BLTP3B: variants seen among roughly 807,000 people sequenced by gnomAD.
BLTP3B encodes bridge-like lipid transfer protein family member 3B.
the BLTP3B span, among the ~76,000 whole-genome samples, chr12:100,137,729 C>T: frequency 6.6e-6 from 1 of 152,176 alleles, no homozygotes; most frequent in Non-Finnish European, 1.5e-5. Flanking sequence ...ATGAGCATAT[C>T]CCTCTTACCT....
the BLTP3B span, among the ~76,000 whole-genome samples, chr12:100,093,596 G>T: frequency 6.6e-6 from 1 of 152,026 alleles, no homozygotes; most frequent in African/African-American, 2.4e-5. Flanking sequence ...ATCCATCCTA[G>T]TAAGACTGAG....
the BLTP3B span, chr12:100,108,450 T>G: frequency 6.2e-7 from 1 of 1,613,740 alleles, no homozygotes; most frequent in Non-Finnish European, 8.5e-7. Context: ...ATCCAACATA[T>G]TCTGGAGTAC....
chr12:100,111,081 A>T, the BLTP3B span, among the ~76,000 whole-genome samples: 1 of 152,152 alleles, frequency 6.6e-6, no homozygotes, highest in Non-Finnish European at 1.5e-5. Flanking sequence ...CCCAAGAGGG[A>T]TACCCCATCT....
the BLTP3B span, among the ~76,000 whole-genome samples, chr12:100,113,362 C>A: frequency 6.6e-6 from 1 of 151,762 alleles, no homozygotes; most frequent in African/African-American, 2.4e-5. Context: ...ACTCTGGAGG[C>A]TGAGACAGGA....
At chr12:100,071,620 T>C in the BLTP3B span, among the ~76,000 whole-genome samples, 2 of 152,104 alleles carry the variant, frequency 1.3e-5, no homozygotes, top group African/African-American at 4.8e-5. Flanking sequence ...GTTTTAATAT[T>C]CAAAGAATAC....
the BLTP3B span, among the ~76,000 whole-genome samples, chr12:100,082,318 A>G: frequency 6.6e-6 from 1 of 152,192 alleles, no homozygotes; most frequent in South Asian, 2.1e-4. Flanking sequence ...TTTGTCAGAT[A>G]AATAATTTGT....
At chr12:100,083,920 G>A in the BLTP3B span, among the ~76,000 whole-genome samples, 1 of 152,192 alleles carries the variant, frequency 6.6e-6, no homozygotes, top group African/African-American at 2.4e-5. Flanking sequence ...CGGGCGTGGT[G>A]GCTCACGCCT....
chr12:100,118,306 T>C, the BLTP3B span, among the ~76,000 whole-genome samples: 9 of 152,184 alleles, frequency 5.9e-5, no homozygotes, highest in African/African-American at 2.2e-4. Flanking sequence ...GCAGGAGGAC[T>C]GCTTAAGCCC....
At chr12:100,042,145 G>A in the BLTP3B span, among the ~76,000 whole-genome samples, 5 of 152,116 alleles carry the variant, frequency 3.3e-5, no homozygotes, top group Non-Finnish European at 7.4e-5. Flanking sequence ...CACTGTTCAT[G>A]GATTGGAAGA....
At chr12:100,102,500 T>C in the BLTP3B span, among the ~76,000 whole-genome samples, 5 of 152,228 alleles carry the variant, frequency 3.3e-5, no homozygotes, top group African/African-American at 9.6e-5. Context: ...ATCTGATTTA[T>C]ATAATGCCTA....
the BLTP3B span, among the ~76,000 whole-genome samples, chr12:100,129,818 C>T: frequency 3.0e-4 from 45 of 152,314 alleles, no homozygotes; most frequent in African/African-American, 1.1e-3. Context: ...ATTAAAATTG[C>T]AGCCAAATTT....
the BLTP3B span, among the ~76,000 whole-genome samples, chr12:100,142,306 G>A: frequency 6.6e-6 from 1 of 152,312 alleles, no homozygotes; most frequent in South Asian, 2.1e-4. Flanking sequence ...GACGCCCCCA[G>A]ACGCCGCGCC....
chr12:100,123,576 T>C, the BLTP3B span, among the ~76,000 whole-genome samples: 2 of 152,172 alleles, frequency 1.3e-5, no homozygotes, highest in Admixed American at 6.5e-5. Context: ...GTCCCAAGAC[T>C]GCCCTCCGTC....
At chr12:100,108,985 A>G in the BLTP3B span, among the ~76,000 whole-genome samples, 377 of 152,282 alleles carry the variant, frequency 2.5e-3, 1 homozygote, top group African/African-American at 8.7e-3. Context: ...AATGAATACA[A>G]TACTGATATG....
the BLTP3B span, chr12:100,037,901 A>G: frequency 1.5e-6 from 1 of 665,560 alleles, no homozygotes. Context: ...AACTGCTTTG[A>G]GACAACATTT....
chr12:100,101,808 A>G, the BLTP3B span, among the ~76,000 whole-genome samples: 1 of 152,116 alleles, frequency 6.6e-6, no homozygotes, highest in Non-Finnish European at 1.5e-5. Context: ...GCATCAACTT[A>G]ACTCTTTGTT....
At chr12:100,075,158 C>T in the BLTP3B span, among the ~76,000 whole-genome samples, 18 of 151,848 alleles carry the variant, frequency 1.2e-4, no homozygotes, top group Admixed American at 2.0e-4. Flanking sequence ...ATTACAGGCG[C>T]GCACCACCAC....
At chr12:100,091,827 A>C in the BLTP3B span, among the ~76,000 whole-genome samples, 3 of 146,604 alleles carry the variant, frequency 2.0e-5, no homozygotes, top group Non-Finnish European at 4.5e-5. Context: ...TTTTTTTTAG[A>C]CAGAGTCTTG....
the BLTP3B span, among the ~76,000 whole-genome samples, chr12:100,136,815 T>A: frequency 6.7e-6 from 1 of 150,116 alleles, no homozygotes; most frequent in Non-Finnish European, 1.5e-5. Context: ...TTTTTCTTTT[T>A]TTTTATTTTT....
Sources: allele counts gnomAD v4.1 joint callset (sites outside exome capture counted in the v4.1 genomes callset), GRCh38; gene constraint gnomAD v4.1.1; transcripts MANE v1.5; gene names NCBI Gene and HGNC (gene_info 2026-07-23, HGNC 2026-07-21).